Variants in CHST11 observed in about 807,000 individuals in gnomAD.
CHST11 encodes the protein C4S-1.
Under a neutral mutation model 30.4 loss-of-function variants are expected in CHST11, and 9 were observed. That is an observed-to-expected ratio of 0.30 (90% confidence interval 0.18 to 0.52). The LOEUF (loss-of-function observed/expected upper bound fraction) is 0.52, where lower values mean the gene tolerates loss of function less well. Among genes scored for constraint, CHST11 ranks in the 20% least tolerant of loss-of-function variants. The pLI is 0.97. For missense variants in CHST11, 348 were observed against 460.6 expected (o/e 0.76, Z 2.24); for synonymous variants, 152 against 187.8 (o/e 0.81, Z 1.56).
At chr12:104,673,167 T>C (rs2039711647) in intron 2 of CHST11, among the ~76,000 whole-genome samples, 2 of 152,150 alleles carry the variant, frequency 1.3e-5, no homozygotes. Flanking sequence ...GTCATTAATA[T>C]TTAGGGCCTA....
intron 2 of CHST11, among the ~76,000 whole-genome samples, chr12:104,659,547 T>C (rs1311520637): frequency 6.6e-6 from 1 of 152,168 alleles, no homozygotes; most frequent in African/African-American, 2.4e-5. Flanking sequence ...AAGGGTTAAA[T>C]ACATACCATA....
rs150106736 is a variant in CHST11, at chr12:104,702,039, T to G, written c.205-54910T>G. ...TGCACCAAGCACTGCCAAGATCACC[T>G]TGGGTTCTAGAAGCCCATCTTTTAT... is the stretch of plus-strand genomic sequence containing the variant. On this transcript the variant is annotated intron_variant, in intron 2 of 2. Coordinates refer to ENST00000303694, the MANE Select transcript of CHST11 (RefSeq NM_018413.6). Among the ~76,000 whole-genome samples, 745 of 152,314 alleles carry G rather than the reference T, an allele frequency of 4.9e-3. 3 individuals are homozygous for G. The highest frequency in any genetic ancestry group is 7.5e-3 in the Admixed American group (115 of 15,296).
intron 1 of CHST11, among the ~76,000 whole-genome samples, chr12:104,571,538 T>C (rs896567452): frequency 2.4e-4 from 37 of 152,198 alleles, no homozygotes; most frequent in Admixed American, 4.6e-4. Flanking sequence ...GACACAGGCT[T>C]TCAGTCTCCT....
At chr12:104,696,042 G>C (rs1182705745) in intron 2 of CHST11, among the ~76,000 whole-genome samples, 1 of 152,156 alleles carries the variant, frequency 6.6e-6, no homozygotes, top group South Asian at 2.1e-4. Context: ...TTGCTGAGCA[G>C]TCGTTCTGAG....
chr12:104,697,889 G>A (rs1592845131), intron 2 of CHST11, among the ~76,000 whole-genome samples: 1 of 152,132 alleles, frequency 6.6e-6, no homozygotes, highest in Admixed American at 6.5e-5. Context: ...CCTTTGCCAA[G>A]TAAAGGGCGA....
intron 2 of CHST11, among the ~76,000 whole-genome samples, chr12:104,615,411 A>G (rs1189986702): frequency 2.0e-5 from 3 of 152,254 alleles, no homozygotes; most frequent in African/African-American, 4.8e-5. Flanking sequence ...CGGCAAGCTC[A>G]GTGCTTGCCT....
chr12:104,545,574 T>A (rs2038338650), intron 1 of CHST11, among the ~76,000 whole-genome samples: 1 of 152,234 alleles, frequency 6.6e-6, no homozygotes, highest in Non-Finnish European at 1.5e-5. Flanking sequence ...AATCTTACTA[T>A]CACTGTACCA....
chr12:104,494,630 C>G (rs1200136592), intron 1 of CHST11, among the ~76,000 whole-genome samples: 1 of 152,174 alleles, frequency 6.6e-6, no homozygotes, highest in Non-Finnish European at 1.5e-5. Context: ...CTTCTCAGAA[C>G]AATGTCGTAG....
chr12:104,498,940 G>T (rs1374517323), intron 1 of CHST11, among the ~76,000 whole-genome samples: 9 of 151,052 alleles, frequency 6.0e-5, no homozygotes, highest in African/African-American at 2.2e-4. Flanking sequence ...AATTTCCTTT[G>T]ATCTTTTCTT....
chr12:104,520,412 G>T (rs1332872699), intron 1 of CHST11, among the ~76,000 whole-genome samples: 1 of 152,166 alleles, frequency 6.6e-6, no homozygotes, highest in Non-Finnish European at 1.5e-5. Flanking sequence ...AGTTGTTAGT[G>T]TAAGAAGGGC....
At chr12:104,670,160 G>A (rs1489938021) in intron 2 of CHST11, among the ~76,000 whole-genome samples, 1 of 152,208 alleles carries the variant, frequency 6.6e-6, no homozygotes, top group African/African-American at 2.4e-5. Context: ...GGGAGAGGGA[G>A]GAAGGGGGGT....
At chr12:104,586,429 A>G (rs553257437) in intron 1 of CHST11, among the ~76,000 whole-genome samples, 4 of 152,334 alleles carry the variant, frequency 2.6e-5, no homozygotes, top group African/African-American at 9.6e-5. Context: ...AGACTGTGTG[A>G]GTGTGAGATT....
At position 104,601,964 on chromosome 12, in the gene CHST11, C is replaced by G. The variant is rs1461320890; in HGVS notation, c.177C>G (p.Pro59=). The G allele has an allele frequency of 6.2e-7, 1 of 1,614,064 alleles. No homozygotes were observed. The highest frequency in any genetic ancestry group is 8.5e-7 in the Non-Finnish European group (1 of 1,179,976). ...GCTGCCGGAAGGGGTCCCGAAGCCC[C>G]CTGCAGGAACTCTACAACCCAATCC... is the stretch of plus-strand genomic sequence containing the variant. The part of the protein sequence containing the change: ...DICCRKGSRS[P]LQELYNPIQL... The change falls in exon 2 of 3, where the codon CCC becomes CCG. Residue 59 remains proline, a synonymous_variant. Transcript: ENST00000303694.
intron 2 of CHST11, among the ~76,000 whole-genome samples, chr12:104,629,041 C>A (rs2039246380): frequency 6.6e-6 from 1 of 152,144 alleles, no homozygotes; most frequent in South Asian, 2.1e-4. Flanking sequence ...AGAGCTTAGT[C>A]TTCTGGCTAG....
chr12:104,572,762 T>C (rs1463740642), intron 1 of CHST11, among the ~76,000 whole-genome samples: 1 of 152,232 alleles, frequency 6.6e-6, no homozygotes, highest in Non-Finnish European at 1.5e-5. Flanking sequence ...TGCTAGCTTT[T>C]GAATGTGTTT....
chr12:104,724,145 A>G (rs764364063), intron 2 of CHST11, among the ~76,000 whole-genome samples: 12 of 152,208 alleles, frequency 7.9e-5, no homozygotes, highest in Admixed American at 3.3e-4. Flanking sequence ...GGGCTACTGA[A>G]GTAGTCCTAA....
At chr12:104,724,404 G>A (rs1256709845) in intron 2 of CHST11, among the ~76,000 whole-genome samples, 2 of 152,132 alleles carry the variant, frequency 1.3e-5, no homozygotes, top group South Asian at 2.1e-4. Flanking sequence ...CACAGCCATG[G>A]CAATGTGCTG....
chr12:104,660,574 G>C (rs893645783), intron 2 of CHST11, among the ~76,000 whole-genome samples: 5 of 152,226 alleles, frequency 3.3e-5, no homozygotes, highest in African/African-American at 1.2e-4. Flanking sequence ...CAGCAGGAGA[G>C]AAAGACCCGA....
chr12:104,581,764 G>T (rs2038747229), intron 1 of CHST11, among the ~76,000 whole-genome samples: 1 of 152,232 alleles, frequency 6.6e-6, no homozygotes, highest in African/African-American at 2.4e-5. Flanking sequence ...CAAAGGGCCT[G>T]TTACCCTGGA....
Sources: allele counts gnomAD v4.1 joint callset (sites outside exome capture counted in the v4.1 genomes callset), GRCh38; gene constraint gnomAD v4.1.1; transcripts MANE v1.5; gene names NCBI Gene and HGNC (gene_info 2026-07-23, HGNC 2026-07-21).